Variants in SMOC2 observed in about 807,000 individuals in gnomAD.
SMOC2 encodes SPARC-related modular calcium-binding protein 2.
Under a neutral mutation model 61.4 loss-of-function variants are expected in SMOC2, and 39 were observed. The ratio of observed to expected loss-of-function variants is 0.64; its 90% CI spans 0.49 to 0.83. The LOEUF is 0.83. Among genes scored for constraint, SMOC2 ranks in the 40% least tolerant of loss-of-function variants. The probability of loss-of-function intolerance (pLI) is 0.00; values close to 1 mark genes in which losing one functional copy is unlikely to be tolerated. For missense variants in SMOC2, 556 were observed against 592.9 expected (o/e 0.94, Z 0.65); for synonymous variants, 247 against 239.9 (o/e 1.03, Z -0.27).
At chr6:168,518,540 CGT>C (rs1374596274) in intron 2 of SMOC2, among the ~76,000 whole-genome samples, 32 of 147,430 alleles carry the variant, frequency 2.2e-4, no homozygotes, top group African/African-American at 7.3e-4. Context: ...TGTGTGAGAG[CGT>C]GTGTATGCTT....
chr6:168,591,959 T>A (rs539652753), intron 7 of SMOC2, among the ~76,000 whole-genome samples: 2 of 152,346 alleles, frequency 1.3e-5, no homozygotes, highest in East Asian at 3.9e-4. Context: ...AATGGTCATT[T>A]TTGGAAGCGT....
At chr6:168,628,870 T>G (rs887781979) in intron 9 of SMOC2, among the ~76,000 whole-genome samples, 1 of 152,216 alleles carries the variant, frequency 6.6e-6, no homozygotes, top group Non-Finnish European at 1.5e-5. Context: ...GAGACCACTC[T>G]TCTCGGAACA....
intron 7 of SMOC2, among the ~76,000 whole-genome samples, chr6:168,567,314 T>G (rs1388081609): frequency 6.6e-6 from 1 of 152,204 alleles, no homozygotes; most frequent in Non-Finnish European, 1.5e-5. Context: ...CTAAAATGCT[T>G]TATCTAAAGC....
chr6:168,531,706 C>T (rs1203676437), intron 4 of SMOC2, among the ~76,000 whole-genome samples: 1 of 152,222 alleles, frequency 6.6e-6, no homozygotes, highest in East Asian at 1.9e-4. Flanking sequence ...ACACTGGCTG[C>T]CTCATAGCAG....
At chr6:168,470,284 C>A (rs781430372) in intron 1 of SMOC2, among the ~76,000 whole-genome samples, 8 of 152,202 alleles carry the variant, frequency 5.3e-5, no homozygotes, top group Non-Finnish European at 8.8e-5. Flanking sequence ...CGTTATAAAG[C>A]GTCTTCACAT....
chr6:168,666,450 C>T lies in SMOC2; in HGVS notation c.*12C>T, dbSNP rs1040105845. 1.9e-6 allele frequency: 3 copies of T among 1,613,448 alleles called. No homozygotes were observed. Among genetic ancestry groups the T allele is most frequent in the Non-Finnish European group, 2.5e-6 (3 of 1,179,864 alleles). On this transcript the variant is annotated 3_prime_UTR_variant, in exon 13 of 13. Transcript: ENST00000356284. ...GGAAACAAGGATAAATGGCTCATACCCCGAAGGCAGTTCCTAGACACATGG... is the reference window on the plus strand; with the variant it reads ...GGAAACAAGGATAAATGGCTCATACTCCGAAGGCAGTTCCTAGACACATGG...
chr6:168,566,980 C>G (rs1784559758), intron 7 of SMOC2, among the ~76,000 whole-genome samples: 1 of 152,180 alleles, frequency 6.6e-6, no homozygotes, highest in South Asian at 2.1e-4. Flanking sequence ...ATGATTAAAT[C>G]CTGACCACAA....
intron 7 of SMOC2, among the ~76,000 whole-genome samples, chr6:168,595,702 A>C (rs922753789): frequency 6.6e-6 from 1 of 152,232 alleles, no homozygotes; most frequent in African/African-American, 2.4e-5. Context: ...GCCCTCATCA[A>C]CCACGATGTT....
chr6:168,643,489 C>G (rs1266223782), intron 9 of SMOC2, among the ~76,000 whole-genome samples: 3 of 152,114 alleles, frequency 2.0e-5, no homozygotes, highest in Non-Finnish European at 4.4e-5. Flanking sequence ...CTTCCCTGTG[C>G]CCCCAGCACT....
chr6:168,487,795 G>A (rs1339568493), intron 1 of SMOC2, among the ~76,000 whole-genome samples: 1 of 152,166 alleles, frequency 6.6e-6, no homozygotes, highest in African/African-American at 2.4e-5. Flanking sequence ...GAGCCACTGT[G>A]CCTAGCCAAA....
intron 7 of SMOC2, among the ~76,000 whole-genome samples, chr6:168,591,041 A>C (rs1377390709): frequency 6.6e-6 from 1 of 152,266 alleles, no homozygotes; most frequent in African/African-American, 2.4e-5. Flanking sequence ...AGTTTATAGA[A>C]GTGAAATTGA....
In SMOC2 at chr6:168,628,616, T is replaced by A. The variant is rs184742431; in HGVS notation, c.907+20377T>A. Among the ~76,000 whole-genome samples the A allele has an allele frequency of 4.6e-5, 7 of 152,362 alleles. No individual in the cohort carries two copies. In the East Asian group the frequency reaches 1.4e-3, roughly 29 times the overall value. Reference sequence around the variant, plus strand: ...ATCCAACATAAATTATACTTTTATTTGACCAATTCCTTCTCCTAAGTCCCC... The same window carrying A: ...ATCCAACATAAATTATACTTTTATTAGACCAATTCCTTCTCCTAAGTCCCC... On this transcript the variant is annotated intron_variant, in intron 9 of 12. Coordinates refer to ENST00000356284, the MANE Select transcript of SMOC2 (RefSeq NM_001166412.2).
At chr6:168,618,666 A>G (rs1333925945) in intron 9 of SMOC2, among the ~76,000 whole-genome samples, 1 of 152,204 alleles carries the variant, frequency 6.6e-6, no homozygotes, top group African/African-American at 2.4e-5. Context: ...AGACAAGGCC[A>G]GGGAATGACG....
chr6:168,509,635 A>G (rs1264402873), intron 1 of SMOC2, among the ~76,000 whole-genome samples: 1 of 152,238 alleles, frequency 6.6e-6, no homozygotes, highest in Non-Finnish European at 1.5e-5. Flanking sequence ...AACTAGGCAC[A>G]CGTGCACCCC....
chr6:168,585,337 G>A (rs9295072), intron 7 of SMOC2, among the ~76,000 whole-genome samples: 18,137 of 151,986 alleles, frequency 0.12, 1,237 homozygotes, highest in African/African-American at 0.19. Context: ...TCTTTTTTTC[G>A]ATCCAGTAAT....
chr6:168,521,740 G>A (rs901685236), intron 2 of SMOC2, among the ~76,000 whole-genome samples: 1 of 152,136 alleles, frequency 6.6e-6, no homozygotes, highest in African/African-American at 2.4e-5. Flanking sequence ...AAATTTGCCA[G>A]TCGTGGTGCC....
chr6:168,606,431 G>T (rs1785692125), intron 8 of SMOC2, among the ~76,000 whole-genome samples: 1 of 152,164 alleles, frequency 6.6e-6, no homozygotes, highest in East Asian at 1.9e-4. Context: ...TATCAAAGAG[G>T]CTATTGAGGG....
chr6:168,507,598 C>T (rs960951051), intron 1 of SMOC2, among the ~76,000 whole-genome samples: 72 of 152,282 alleles, frequency 4.7e-4, no homozygotes, highest in African/African-American at 1.6e-3. Flanking sequence ...CCCCGGGGCG[C>T]CCCCCACTGC....
At chr6:168,451,728 T>G (rs1157360229) in intron 1 of SMOC2, among the ~76,000 whole-genome samples, 4 of 152,194 alleles carry the variant, frequency 2.6e-5, no homozygotes, top group Non-Finnish European at 5.9e-5. Flanking sequence ...TCCGTTAAGT[T>G]CTTTCTTTTT....
Sources: allele counts gnomAD v4.1 joint callset (sites outside exome capture counted in the v4.1 genomes callset), GRCh38; gene constraint gnomAD v4.1.1; transcripts MANE v1.5; gene names NCBI Gene and HGNC (gene_info 2026-07-23, HGNC 2026-07-21).